The following MED12L variants were observed in gnomAD, a reference collection of about 807,000 sequenced individuals.
MED12L encodes the protein mediator of RNA polymerase II transcription subunit 12-like protein.
MED12L carries 60 observed loss-of-function variants against 281.3 expected under a neutral mutation model. The observed-to-expected ratio is 0.21, with a 90% CI of 0.17 to 0.26. MED12L has a LOEUF of 0.26. Ranked by LOEUF, MED12L falls within the 10% of genes least tolerant of loss-of-function variation. MED12L has a pLI of 1.00. For synonymous variants in MED12L, 974 were observed against 987.2 expected (o/e 0.99, Z 0.25); for missense variants, 2,146 against 2,680.9 (o/e 0.80, Z 4.41).
chr3:151,346,135 G>A (rs1410380409), intron 16 of MED12L, among the ~76,000 whole-genome samples: 1 of 152,118 alleles, frequency 6.6e-6, no homozygotes, highest in Non-Finnish European at 1.5e-5. Context: ...AGCTTCTTAA[G>A]TGTCTTCTTC....
intron 5 of MED12L, among the ~76,000 whole-genome samples, chr3:151,141,187 G>GTTTTTTTTTTGTTTTT (rs1716942489): frequency 1.0e-5 from 1 of 99,108 alleles, no homozygotes; most frequent in African/African-American, 4.8e-5. Flanking sequence ...TGTTTTTTTT[G>GTTTTTTTTTTGTTTTT]TTTTTTTTTT....
chr3:151,124,295 A>G (rs893494122), intron 4 of MED12L, among the ~76,000 whole-genome samples: 7 of 152,214 alleles, frequency 4.6e-5, no homozygotes, highest in African/African-American at 1.7e-4. Flanking sequence ...ATCATGGTGC[A>G]GTGTGTTAGC....
chr3:151,327,746 A>AAAG (rs1560032407), intron 16 of MED12L: 147 of 319,190 alleles, frequency 4.6e-4, no homozygotes, highest in Middle Eastern at 8.8e-4. Flanking sequence ...AAAAAAAAAA[A>AAAG]AAAGAAAGAA....
At chr3:151,426,298 T>A (rs945083709) in intron 43 of MED12L, among the ~76,000 whole-genome samples, 28 of 152,178 alleles carry the variant, frequency 1.8e-4, no homozygotes, top group African/African-American at 6.5e-4. Flanking sequence ...TTTCCCCCAG[T>A]GATTTTGTGC....
chr3:151,218,866 CAAAAAAAAAAAAAAA>C (rs397686351), intron 16 of MED12L, among the ~76,000 whole-genome samples: 58 of 71,362 alleles, frequency 8.1e-4, no homozygotes, highest in Middle Eastern at 0.014. Flanking sequence ...GACTCAGTCT[CAAAAAAAAAAAAAAA>C]AAAAAAAAAA....
At position 151,389,859 on chromosome 3, in the gene MED12L, A is replaced by G. The variant is rs866044194; in HGVS notation, c.5452-120A>G. 26 of 922,936 alleles carry G rather than the reference A, an allele frequency of 2.8e-5. No individual in the cohort carries two copies. The Admixed American group carries it at 3.8e-4, about 14-fold the overall frequency. The allele number at this position is 922,936 out of a possible 1,614,324, so 57.2% of individuals were successfully genotyped here. On this transcript the variant is annotated intron_variant, in intron 37 of 44. Coordinates refer to ENST00000687756, the MANE Select transcript of MED12L (RefSeq NM_001393769.1). ...CTCTTCCTTCCATCTTCTCCTTTAT[A>G]AAAAACAGCTTTGTACATTGGGATA... is the stretch of plus-strand genomic sequence containing the variant.
chr3:151,276,089 G>A (rs1471513926), intron 16 of MED12L, among the ~76,000 whole-genome samples: 1 of 152,182 alleles, frequency 6.6e-6, no homozygotes, highest in Non-Finnish European at 1.5e-5. Flanking sequence ...TAGAAAGGAG[G>A]CACTATTTTC....
intron 16 of MED12L, among the ~76,000 whole-genome samples, chr3:151,232,822 A>G (rs1019296116): frequency 5.3e-5 from 8 of 152,190 alleles, no homozygotes; most frequent in African/African-American, 1.9e-4. Context: ...GCAGAAAGAT[A>G]ACTATTGGGT....
Position 151,384,155 on chromosome 3 carries a change from T to C in MED12L, c.4863T>C (p.Asn1621=), listed in dbSNP as rs1560108233. 2 of 1,614,058 alleles carry C rather than the reference T, an allele frequency of 1.2e-6. No homozygotes were observed. Among genetic ancestry groups the C allele is most frequent in the Admixed American group, 1.7e-5 (1 of 60,016 alleles). ...INGTLASDLS[N]ASPGGSEENK... ...GAACGTTAGCCTCTGACCTATCAAA[T>C]GCATCCCCTGGGGGATCTGAAGAGA... The change falls in exon 35 of 45, where the codon AAT becomes AAC. Residue 1621 remains asparagine, a synonymous_variant. Coordinates refer to ENST00000687756, the MANE Select transcript of MED12L (RefSeq NM_001393769.1).
intron 16 of MED12L, among the ~76,000 whole-genome samples, chr3:151,279,589 C>G (rs1195126145): frequency 6.6e-6 from 1 of 152,188 alleles, no homozygotes; most frequent in East Asian, 1.9e-4. Context: ...CCAGCGGGCC[C>G]CAATAGTCCT....
At chr3:151,395,797 A>G (rs1187949531) in intron 39 of MED12L, among the ~76,000 whole-genome samples, 1 of 152,244 alleles carries the variant, frequency 6.6e-6, no homozygotes, top group African/African-American at 2.4e-5. Flanking sequence ...TCTAAGAATA[A>G]CCATAATACT....
chr3:151,158,040 A>T (rs1719510302), intron 6 of MED12L, among the ~76,000 whole-genome samples: 1 of 152,220 alleles, frequency 6.6e-6, no homozygotes, highest in South Asian at 2.1e-4. Context: ...TGTAGTGCTT[A>T]TATCAAGATT....
chr3:151,108,115 A>G (rs1203297836), intron 2 of MED12L, among the ~76,000 whole-genome samples: 3 of 152,156 alleles, frequency 2.0e-5, no homozygotes, highest in African/African-American at 7.2e-5. Flanking sequence ...AGGAGAGTGC[A>G]GAATAGAAAA....
chr3:151,364,928 A>G (rs757715148), intron 21 of MED12L, 51 bp from the exon 22 acceptor site: 45 of 1,265,538 alleles, frequency 3.6e-5, no homozygotes, highest in Non-Finnish European at 5.1e-5. Flanking sequence ...ATAGTTTTCT[A>G]GTTATTCTAG....
chr3:151,285,275 G>A (rs1411020001), intron 16 of MED12L, among the ~76,000 whole-genome samples: 5 of 151,924 alleles, frequency 3.3e-5, no homozygotes, highest in South Asian at 4.2e-4. Context: ...ACAAGGTCAG[G>A]AGATCAAGAC....
At chr3:151,311,998 C>T (rs866545829) in intron 16 of MED12L, among the ~76,000 whole-genome samples, 3 of 152,168 alleles carry the variant, frequency 2.0e-5, no homozygotes, top group Admixed American at 1.3e-4. Context: ...GCCAAGATCA[C>T]GCTGTTGCAC....
At chr3:151,103,074 A>G (rs913538155) in intron 2 of MED12L, among the ~76,000 whole-genome samples, 1 of 152,246 alleles carries the variant, frequency 6.6e-6, no homozygotes, top group African/African-American at 2.4e-5. Flanking sequence ...ATTGCAATGC[A>G]AGAACTATAT....
intron 16 of MED12L, among the ~76,000 whole-genome samples, chr3:151,231,915 TTATGTTTG>T (rs548597803): frequency 1.3e-5 from 2 of 152,180 alleles, no homozygotes; most frequent in Admixed American, 1.3e-4. Flanking sequence ...AAACAAAGTG[TTATGTTTG>T]TATGTTTGTA....
chr3:151,313,096 C>T lies in MED12L; in HGVS notation c.2251-36963C>T, dbSNP rs1173697598. On this transcript the variant is annotated intron_variant, in intron 16 of 44. Transcript: ENST00000687756. ...GCTGTCGCTGGAGTGCTAGAGCTTG[C>T]CCTCATTAACACCACTAATGAGGGG... Among the ~76,000 whole-genome samples the T allele has an allele frequency of 4.6e-5, 7 of 152,264 alleles. No homozygotes were observed. In the East Asian group the frequency reaches 1.4e-3, roughly 29 times the overall value.
Sources: gnomAD v4.1 joint callset for allele counts (sites outside exome capture counted in the v4.1 genomes callset) on GRCh38, gnomAD v4.1.1 for gene constraint, MANE v1.5 for transcripts, NCBI Gene and HGNC (gene_info 2026-07-23, HGNC 2026-07-21) for gene names.